The following STK10 variants were observed in gnomAD, a reference collection of about 807,000 sequenced individuals.
STK10 encodes the protein serine/threonine-protein kinase 10.
Under a neutral mutation model 113.8 loss-of-function variants are expected in STK10, and 78 were observed. The ratio of observed to expected loss-of-function variants is 0.69; its 90% CI spans 0.57 to 0.83. STK10 has a LOEUF of 0.83. Among genes scored for constraint, STK10 ranks in the 40% least tolerant of loss-of-function variants. STK10 has a pLI of 0.00. For synonymous variants in STK10, 465 were observed against 494.7 expected (o/e 0.94, Z 0.80); for missense variants, 1,109 against 1,280.1 (o/e 0.87, Z 2.04).
At chr5:172,160,547 G>GGGAAACA (rs1387020257) in intron 1 of STK10, among the ~76,000 whole-genome samples, 1 of 151,980 alleles carries the variant, frequency 6.6e-6, no homozygotes, top group Non-Finnish European at 1.5e-5. Context: ...GCAAAGCACA[G>GGGAAACA]GGAAAACGAG....
chr5:172,132,970 A>T (rs1202159316), intron 2 of STK10, among the ~76,000 whole-genome samples: 1 of 152,220 alleles, frequency 6.6e-6, no homozygotes, highest in African/African-American at 2.4e-5. Flanking sequence ...CAGAGGAAGC[A>T]GATATCCAGG....
At chr5:172,110,988 G>T (rs1671744736) in intron 4 of STK10, among the ~76,000 whole-genome samples, 1 of 152,182 alleles carries the variant, frequency 6.6e-6, no homozygotes, top group South Asian at 2.1e-4. Flanking sequence ...TAACTGGACA[G>T]CAGTTGCTAT....
In STK10 at chr5:172,105,752, G is replaced by A. The variant is rs369531504; in HGVS notation, c.789-15C>T. 1.4e-4 allele frequency: 220 copies of A among 1,613,222 alleles called. No individual in the cohort carries two copies. The African/African-American group carries it at 2.1e-3, about 16-fold the overall frequency. ...ACTCTACAGACCTGGGAGGACAGGC[G>A]TCAGAGGTAAGCATGGAGGAGGCAA... On this transcript the variant is annotated splice_polypyrimidine_tract_variant and intron_variant, in intron 6 of 18. Coordinates refer to ENST00000176763, the MANE Select transcript of STK10 (RefSeq NM_005990.4).
chr5:172,124,493 T>C (rs1044310838), intron 3 of STK10, among the ~76,000 whole-genome samples: 1 of 152,192 alleles, frequency 6.6e-6, no homozygotes. Flanking sequence ...CCAAGAGCCA[T>C]ATAACATGTG....
intron 8 of STK10, among the ~76,000 whole-genome samples, chr5:172,094,310 G>C (rs924512814): frequency 1.3e-5 from 2 of 152,048 alleles, no homozygotes; most frequent in Non-Finnish European, 2.9e-5. Flanking sequence ...TGGGAAAATG[G>C]CTCCCCTGTG....
chr5:172,185,690 G>C (rs1770943674), intron 1 of STK10, among the ~76,000 whole-genome samples: 1 of 152,254 alleles, frequency 6.6e-6, no homozygotes, highest in South Asian at 2.1e-4. Flanking sequence ...CACAGCTGCA[G>C]GAGCAGGCTC....
chr5:172,186,626 A>T (rs1407865937), intron 1 of STK10, among the ~76,000 whole-genome samples: 1 of 152,154 alleles, frequency 6.6e-6, no homozygotes, highest in Non-Finnish European at 1.5e-5. Flanking sequence ...TGTCTCAAAA[A>T]AAAGAAAAGA....
intron 10 of STK10, 22 bp downstream of exon 10, chr5:172,090,210 T>C: frequency 6.8e-6 from 11 of 1,613,338 alleles, no homozygotes; most frequent in Non-Finnish European, 9.3e-6. Context: ...TTACCACCAT[T>C]GGTGGCCCTT....
At chr5:172,056,488 T>C (rs757676068) in intron 15 of STK10, among the ~76,000 whole-genome samples, 4 of 151,650 alleles carry the variant, frequency 2.6e-5, no homozygotes, top group Non-Finnish European at 4.4e-5. Flanking sequence ...CCTAAAAGTA[T>C]TGAGGGAATG....
chr5:172,151,888 G>A (rs1213407686), intron 2 of STK10, among the ~76,000 whole-genome samples: 3 of 152,204 alleles, frequency 2.0e-5, no homozygotes, highest in African/African-American at 7.2e-5. Flanking sequence ...CGCGCCAGCC[G>A]CAACACCTTC....
Position 172,073,558 on chromosome 5 carries a change from T to C in STK10, c.1990-8746A>G, listed in dbSNP as rs553217833. Among the ~76,000 whole-genome samples the C allele has an allele frequency of 3.3e-3, 505 of 152,282 alleles. 5 individuals are homozygous for C. Among genetic ancestry groups the C allele is most frequent in the Admixed American group, 5.3e-3 (81 of 15,278 alleles). On this transcript the variant is annotated intron_variant, in intron 12 of 18. Coordinates refer to ENST00000176763, the MANE Select transcript of STK10 (RefSeq NM_005990.4). ...AGTGATCCTCCCATCTCAGTCTCTT[T>C]AGTTGCTAGGATTATAGGCGTAAGC...
At chr5:172,131,271 C>T (rs950101024) in intron 2 of STK10, among the ~76,000 whole-genome samples, 2 of 152,056 alleles carry the variant, frequency 1.3e-5, no homozygotes, top group Non-Finnish European at 2.9e-5. Flanking sequence ...CCTGACCTCG[C>T]GATCTGCCTG....
rs1376388241 is a variant in STK10 at position 172,157,385 on chromosome 5, C to A, written c.157-597G>T. ...AAGCCTGGCCAACATAGTGAAACCC[C>A]ATCTCTACCAAAAATACAAAAATTA... On this transcript the variant is annotated intron_variant, in intron 1 of 18. Transcript: ENST00000176763. 2.0e-5 allele frequency among the ~76,000 whole-genome samples: 3 copies of A among 152,114 alleles called. No individual in the cohort carries two copies. In the East Asian group the frequency reaches 5.9e-4, roughly 30 times the overall value.
intron 1 of STK10, among the ~76,000 whole-genome samples, chr5:172,164,992 G>C (rs532471233): frequency 2.0e-5 from 3 of 152,182 alleles, no homozygotes; most frequent in African/African-American, 4.8e-5. Context: ...ACCTCTGTGG[G>C]AACAATCCTC....
chr5:172,137,833 A>G lies in STK10; in HGVS notation c.322-10412T>C, dbSNP rs1451474973. 2.1e-5 allele frequency among the ~76,000 whole-genome samples: 3 copies of G among 144,800 alleles called. No individual in the cohort carries two copies. The East Asian group carries it at 6.5e-4, about 31-fold the overall frequency. The allele number at this position is 144,800 out of a possible 152,430, so 95.0% of individuals were successfully genotyped here. A position where few individuals can be genotyped will look rare whatever the true frequency, so the allele number is the denominator to read the frequency against. On this transcript the variant is annotated intron_variant, in intron 2 of 18. Transcript: ENST00000176763. ...GCATGAACCTGGAGGCGGAGCTTGC[A>G]GTGAGCCGAGATCACACCACAGTAC... is the stretch of plus-strand genomic sequence containing the variant.
chr5:172,091,767 C>T (rs577586984), intron 9 of STK10, among the ~76,000 whole-genome samples: 1 of 152,210 alleles, frequency 6.6e-6, no homozygotes, highest in Non-Finnish European at 1.5e-5. Flanking sequence ...CTCCTGACCT[C>T]GTGATCCACC....
At chr5:172,110,135 C>T (rs1005203128) in intron 4 of STK10, among the ~76,000 whole-genome samples, 2 of 152,190 alleles carry the variant, frequency 1.3e-5, no homozygotes, top group African/African-American at 2.4e-5. Context: ...CAATGAGGAC[C>T]CTCGGGGAAT....
At chr5:172,130,479 G>A (rs1007747475) in intron 2 of STK10, among the ~76,000 whole-genome samples, 8 of 151,678 alleles carry the variant, frequency 5.3e-5, no homozygotes, top group Non-Finnish European at 1.0e-4. Flanking sequence ...TGCAGTGAGC[G>A]GAGATCACAC....
rs79444746 is a variant in STK10, at chr5:172,046,524, T to C, written c.2767-1502A>G. On this transcript the variant is annotated intron_variant, in intron 18 of 18. Transcript: ENST00000176763. Reference sequence around the variant, plus strand: ...TTGAGCACAGAATGGTTTAGTAACTTGCCCAAGGTTTCACAACTAGTAATG... The same window carrying C: ...TTGAGCACAGAATGGTTTAGTAACTCGCCCAAGGTTTCACAACTAGTAATG... 4.2e-4 allele frequency among the ~76,000 whole-genome samples: 64 copies of C among 152,330 alleles called. 4 individuals are homozygous for C. The East Asian group carries it at 0.012, about 29-fold the overall frequency.
Sources: gnomAD v4.1 joint callset for allele counts (sites outside exome capture counted in the v4.1 genomes callset) on GRCh38, gnomAD v4.1.1 for gene constraint, MANE v1.5 for transcripts, NCBI Gene and HGNC (gene_info 2026-07-23, HGNC 2026-07-21) for gene names.